The following ABCA9 variants were observed in gnomAD, a reference collection of about 807,000 sequenced individuals.
The protein encoded by ABCA9 is ATP binding cassette subfamily A member 9.
A neutral mutation model predicts 205.3 loss-of-function variants in ABCA9; 183 were observed. The ratio of observed to expected loss-of-function variants is 0.89; its 90% CI spans 0.79 to 1.01. The LOEUF (loss-of-function observed/expected upper bound fraction) is 1.01, where lower values mean the gene tolerates loss of function less well. Among genes scored for constraint, ABCA9 ranks in the 50% least tolerant of loss-of-function variants. The pLI is 0.00. For missense variants in ABCA9, 1,805 were observed against 1,912.4 expected (o/e 0.94, Z 1.05); for synonymous variants, 651 against 683.3 (o/e 0.95, Z 0.74).
Position 69,033,729 on chromosome 17 carries a change from G to C in ABCA9, c.1273C>G (p.Pro425Ala). The C allele has an allele frequency of 6.2e-7, 1 of 1,605,530 alleles. No homozygotes were observed. Among genetic ancestry groups the C allele is most frequent in the South Asian group, 1.1e-5 (1 of 88,774 alleles). Residue 425 changes from proline (P) to alanine (A), a missense_variant, in exon 9 of 39, where the codon CCC (proline) becomes GCC (alanine). Coordinates refer to ENST00000340001, the MANE Select transcript of ABCA9 (RefSeq NM_080283.4). ...TTACAGCCATGTTAGTACTTACCGG[G>C]CAAAATTTTGTCAAAATATAATGTC... ...VLTLYFDKIL[P>A]AEYGHRCSPL...
intron 25 of ABCA9, among the ~76,000 whole-genome samples, chr17:68,999,726 C>T (rs924701026): frequency 1.3e-5 from 2 of 152,108 alleles, no homozygotes; most frequent in Admixed American, 6.6e-5. Flanking sequence ...TGGTTGAACT[C>T]GTTTATAGTC....
rs73370053 is a variant in ABCA9, at chr17:69,025,353, G to A, written c.2142-1000C>T. ...AACAGTTCAAAATAGTGCTTTCAGCGTTCCAGAAAAGAGGATACTCATTAA... is the reference window on the plus strand; with the variant it reads ...AACAGTTCAAAATAGTGCTTTCAGCATTCCAGAAAAGAGGATACTCATTAA... On this transcript the variant is annotated intron_variant, in intron 16 of 38. Transcript: ENST00000340001. 8.9e-3 allele frequency among the ~76,000 whole-genome samples: 1,363 copies of A among 152,308 alleles called. 16 individuals are homozygous for A. Among genetic ancestry groups the A allele is most frequent in the African/African-American group, 0.026 (1,086 of 41,568 alleles).
chr17:69,036,962 CAAAG>C (rs1044570592), intron 6 of ABCA9, among the ~76,000 whole-genome samples: 3 of 109,624 alleles, frequency 2.7e-5, no homozygotes, highest in African/African-American at 1.0e-4. Flanking sequence ...TAAAAAAAGA[CAAAG>C]AAGGCCATTA....
chr17:69,013,072 A>C, intron 22 of ABCA9, among the ~76,000 whole-genome samples: 1 of 151,904 alleles, frequency 6.6e-6, no homozygotes, highest in African/African-American at 2.4e-5. Context: ...ATGGCTGAAT[A>C]GTACTCCATT....
intron 20 of ABCA9, 23 bp downstream of exon 20, chr17:69,018,390 C>A: frequency 6.7e-7 from 1 of 1,501,114 alleles, no homozygotes; most frequent in Non-Finnish European, 8.9e-7. Flanking sequence ...CATTTAACAG[C>A]TGCATTTCAG....
At chr17:68,987,517 GAGA>G (rs2069275606) in intron 31 of ABCA9, among the ~76,000 whole-genome samples, 2 of 152,270 alleles carry the variant, frequency 1.3e-5, no homozygotes, top group South Asian at 2.1e-4. Flanking sequence ...TTTAAGCGAT[GAGA>G]AGGAGACAGC....
At chr17:69,014,106 G>A (rs1283036817) in intron 22 of ABCA9, among the ~76,000 whole-genome samples, 5 of 152,076 alleles carry the variant, frequency 3.3e-5, no homozygotes, top group African/African-American at 1.2e-4. Flanking sequence ...GAAACACAGT[G>A]ACACCTCAGT....
chr17:68,987,866 G>C (rs868275196), intron 31 of ABCA9, among the ~76,000 whole-genome samples: 3 of 151,834 alleles, frequency 2.0e-5, no homozygotes, highest in Non-Finnish European at 2.9e-5. Context: ...CCGGGTTCAA[G>C]CAATTCTCCT....
At chr17:68,998,167 T>C (rs1195189061) in intron 25 of ABCA9, among the ~76,000 whole-genome samples, 5 of 152,240 alleles carry the variant, frequency 3.3e-5, no homozygotes, top group Admixed American at 3.3e-4. Flanking sequence ...GTAACACAGT[T>C]TGTCTATTCA....
chr17:69,072,703 T>TAACC, the ABCA9 span, among the ~76,000 whole-genome samples: 1 of 150,140 alleles, frequency 6.7e-6, no homozygotes, highest in Non-Finnish European at 1.5e-5. Context: ...ATGGGCAAAA[T>TAACC]AACCAGCTAG....
upstream of ABCA9, chr17:69,061,119 T>C: frequency 1.0e-6 from 1 of 985,418 alleles, no homozygotes; most frequent in Non-Finnish European, 1.2e-6. Context: ...TGCTAGTTAC[T>C]CAGCAGGGAG....
rs114157800 is a variant in ABCA9, at chr17:68,981,430, T to C, written c.4720+1132A>G. On this transcript the variant is annotated intron_variant, in intron 37 of 38. Coordinates refer to ENST00000340001, the MANE Select transcript of ABCA9 (RefSeq NM_080283.4). ...ATCAATCTCTGCTCCTAATCCATTA[T>C]AAAATACTTCCTGTTGATCTCACTG... Among the ~76,000 whole-genome samples the C allele has an allele frequency of 3.3e-3, 498 of 152,126 alleles. 4 individuals carry two copies. Among genetic ancestry groups the C allele is most frequent in the African/African-American group, 0.012 (478 of 41,520 alleles).
rs1196777011 is a variant in ABCA9 at position 68,990,889 on chromosome 17, T to C, written c.3785A>G (p.Gln1262Arg). Residue 1262 changes from glutamine (Q) to arginine (R), a missense_variant, in exon 29 of 39, where the codon CAG (glutamine) becomes CGG (arginine). Coordinates refer to ENST00000340001, the MANE Select transcript of ABCA9 (RefSeq NM_080283.4). ...ATTCACTGTTCTCATTCTTTCCATC[T>C]GGATATCTTCCTCCTCTCCTTCAGG... ...EEPEGEEEDI[Q>R]MERMRTVNAM... is the part of the protein sequence containing the mutation. 5 of 1,613,904 alleles carry C rather than the reference T, an allele frequency of 3.1e-6. No individual in the cohort carries two copies. The highest frequency in any genetic ancestry group is 4.2e-6 in the Non-Finnish European group (5 of 1,179,940).
chr17:69,019,606 G>A (rs2070747597), intron 19 of ABCA9, among the ~76,000 whole-genome samples: 1 of 152,138 alleles, frequency 6.6e-6, no homozygotes, highest in Admixed American at 6.6e-5. Context: ...AGGGTGGACT[G>A]TCATGTCTGA....
At chr17:69,048,831 G>T (rs756576642) in intron 3 of ABCA9, among the ~76,000 whole-genome samples, 3 of 152,068 alleles carry the variant, frequency 2.0e-5, no homozygotes, top group Non-Finnish European at 4.4e-5. Flanking sequence ...GAAAAACCAC[G>T]CCAATCTTGT....
At chr17:68,984,384 T>A (rs1351301567) in intron 34 of ABCA9, among the ~76,000 whole-genome samples, 1 of 152,172 alleles carries the variant, frequency 6.6e-6, no homozygotes, top group Non-Finnish European at 1.5e-5. Context: ...TTGGGTAAGA[T>A]GCTGTTTATA....
intron 23 of ABCA9, among the ~76,000 whole-genome samples, chr17:69,010,264 A>G (rs1421935527): frequency 6.6e-6 from 1 of 152,088 alleles, no homozygotes; most frequent in East Asian, 1.9e-4. Flanking sequence ...TGGGAAATCT[A>G]TTTCAGACTG....
upstream of ABCA9, among the ~76,000 whole-genome samples, chr17:69,064,025 C>T (rs752147085): frequency 4.6e-5 from 7 of 152,102 alleles, no homozygotes; most frequent in African/African-American, 9.7e-5. Context: ...TATTACATGC[C>T]TAAAGGATGC....
intron 6 of ABCA9, among the ~76,000 whole-genome samples, chr17:69,038,181 A>C (rs1479427197): frequency 6.6e-6 from 1 of 152,176 alleles, no homozygotes; most frequent in Admixed American, 6.5e-5. Flanking sequence ...TATTCCAAAC[A>C]ATAGAAAAAG....
Sources: gnomAD v4.1 joint callset for allele counts (sites outside exome capture counted in the v4.1 genomes callset) on GRCh38, gnomAD v4.1.1 for gene constraint, MANE v1.5 for transcripts, NCBI Gene and HGNC (gene_info 2026-07-23, HGNC 2026-07-21) for gene names.